Variants in INPP4B observed in about 807,000 individuals in gnomAD.
INPP4B encodes the protein inositol polyphosphate-4-phosphatase type II B.
A neutral mutation model predicts 122.5 loss-of-function variants in INPP4B; 55 were observed. That is an observed-to-expected ratio of 0.45 (90% CI 0.36 to 0.56). The LOEUF (loss-of-function observed/expected upper bound fraction) is 0.56. Ranked by LOEUF, INPP4B falls within the 20% of genes least tolerant of loss-of-function variation. The pLI is 0.00. For synonymous variants in INPP4B, 403 were observed against 388.7 expected (o/e 1.04, Z -0.43); for missense variants, 1,000 against 1,097.7 (o/e 0.91, Z 1.26).
intron 23 of INPP4B, among the ~76,000 whole-genome samples, chr4:142,094,434 A>G (rs1780952098): frequency 6.6e-6 from 1 of 152,214 alleles, no homozygotes; most frequent in Non-Finnish European, 1.5e-5. Flanking sequence ...TGGCTCCTTG[A>G]GAGTGCATTC....
intron 11 of INPP4B, among the ~76,000 whole-genome samples, chr4:142,241,133 G>T (rs569809662): frequency 6.6e-6 from 1 of 152,230 alleles, no homozygotes; most frequent in African/African-American, 2.4e-5. Context: ...TCATGCAGGA[G>T]ATGGCTTGCT....
At chr4:142,376,450 A>G (rs889240305) in intron 7 of INPP4B, among the ~76,000 whole-genome samples, 1 of 152,060 alleles carries the variant, frequency 6.6e-6, no homozygotes, top group Admixed American at 6.6e-5. Context: ...AATGTAAGGT[A>G]GCATTATCAA....
chr4:142,810,339 AT>A (rs1030319103), intron 1 of INPP4B, among the ~76,000 whole-genome samples: 32 of 152,298 alleles, frequency 2.1e-4, no homozygotes, highest in African/African-American at 7.2e-4. Context: ...GCCACTTATT[AT>A]TTAATTATAG....
Position 142,405,225 on chromosome 4 carries a change from G to A in INPP4B, c.236C>T (p.Ser79Phe). The change falls in exon 6 of 26, where the codon TCC becomes TTC. Residue 79 changes from serine to phenylalanine, a missense_variant. Ser to Phe is a radical substitution (Grantham distance 155). Coordinates refer to ENST00000262992, the MANE Select transcript of INPP4B (RefSeq NM_001101669.3). Reference protein sequence around the residue: ...HPVEQSLTRYSSTEIVEGTRD... With the variant: ...HPVEQSLTRYFSTEIVEGTRD... ...TCTCACCTCCACAATTTCGGTGCTGGAGTATCTTGTCAGACTCTGCTCCAC... is the reference window on the plus strand; with the variant it reads ...TCTCACCTCCACAATTTCGGTGCTGAAGTATCTTGTCAGACTCTGCTCCAC... The A allele has an allele frequency of 6.2e-7, 1 of 1,604,852 alleles. No individual in the cohort carries two copies.
chr4:142,795,205 T>C (rs1777070245), intron 1 of INPP4B: 3 of 151,954 alleles, frequency 2.0e-5, no homozygotes, highest in Admixed American at 2.0e-4. Flanking sequence ...TATATAACTT[T>C]AAATGCATGA....
chr4:142,095,395 C>T (rs1440476385), intron 23 of INPP4B, among the ~76,000 whole-genome samples: 1 of 152,128 alleles, frequency 6.6e-6, no homozygotes. Flanking sequence ...TGTTAATTGT[C>T]TTTAATTTGA....
chr4:142,467,939 T>C (rs1363470742), intron 2 of INPP4B: 1 of 152,142 alleles, frequency 6.6e-6, no homozygotes, highest in African/African-American at 2.4e-5. Flanking sequence ...CCCCTCCCTC[T>C]CTTGCTCCCC....
chr4:142,041,434 C>G (rs1243099210), intron 25 of INPP4B, among the ~76,000 whole-genome samples: 1 of 151,884 alleles, frequency 6.6e-6, no homozygotes, highest in Non-Finnish European at 1.5e-5. Context: ...CCTGACCAAC[C>G]TGGTGAAACC....
chr4:142,686,378 GA>G (rs149344720), intron 2 of INPP4B, among the ~76,000 whole-genome samples: 4 of 152,012 alleles, frequency 2.6e-5, no homozygotes, highest in Admixed American at 6.6e-5. Flanking sequence ...AAAGCCAAAA[GA>G]AAAAAACCCA....
chr4:142,689,235 T>A (rs1484388267), intron 2 of INPP4B, among the ~76,000 whole-genome samples: 1 of 152,116 alleles, frequency 6.6e-6, no homozygotes, highest in Non-Finnish European at 1.5e-5. Flanking sequence ...GGTCTTTCCA[T>A]CCAGAATGAT....
intron 25 of INPP4B, among the ~76,000 whole-genome samples, chr4:142,059,931 T>C (rs1759706012): frequency 6.6e-6 from 1 of 152,190 alleles, no homozygotes; most frequent in Non-Finnish European, 1.5e-5. Context: ...ATCGTGCTAC[T>C]TAGTAGGAAA....
chr4:142,331,087 A>C (rs1162023586), intron 7 of INPP4B, among the ~76,000 whole-genome samples: 2 of 152,218 alleles, frequency 1.3e-5, no homozygotes, highest in Non-Finnish European at 2.9e-5. Flanking sequence ...ATAAAACCAC[A>C]GGCAAGGAAA....
chr4:142,613,359 A>G (rs949620200), intron 2 of INPP4B, among the ~76,000 whole-genome samples: 3 of 152,220 alleles, frequency 2.0e-5, no homozygotes, highest in African/African-American at 7.2e-5. Context: ...TAACAAATGC[A>G]TGCTCTTTAT....
chr4:142,648,074 G>A (rs1164997909), intron 2 of INPP4B, among the ~76,000 whole-genome samples: 2 of 152,214 alleles, frequency 1.3e-5, no homozygotes, highest in Admixed American at 6.5e-5. Flanking sequence ...GGAACTCACT[G>A]CTTCTCTTCA....
intron 25 of INPP4B, among the ~76,000 whole-genome samples, chr4:142,049,402 A>C (rs1272688469): frequency 6.6e-6 from 1 of 152,070 alleles, no homozygotes; most frequent in African/African-American, 2.4e-5. Flanking sequence ...GTATATCTAC[A>C]AGAAACATAA....
At chr4:142,372,314 C>T (rs1790231510) in intron 7 of INPP4B, among the ~76,000 whole-genome samples, 1 of 151,880 alleles carries the variant, frequency 6.6e-6, no homozygotes, top group Admixed American at 6.6e-5. Context: ...CATGCAGTTA[C>T]ATAGAAGGAA....
chr4:142,734,363 C>T lies in INPP4B; in HGVS notation c.-253-8462G>A, dbSNP rs116227939. On this transcript the variant is annotated intron_variant, in intron 1 of 25. Coordinates refer to ENST00000262992, the MANE Select transcript of INPP4B (RefSeq NM_001101669.3). The stretch of plus-strand genomic sequence containing the variant: ...ACCTAATCTATCGTATTTTATTATG[C>T]CAGCCCTGAAAAACTAATACACATT... Among the ~76,000 whole-genome samples the T allele has an allele frequency of 7.8e-3, 1,185 of 152,192 alleles. 11 individuals are homozygous for T. Among genetic ancestry groups the T allele is most frequent in the African/African-American group, 0.027 (1,107 of 41,522 alleles).
chr4:142,029,384 C>T, intron 25 of INPP4B: 2 of 985,062 alleles, frequency 2.0e-6, no homozygotes, highest in Non-Finnish European at 1.2e-6. Context: ...ATTATTTTAG[C>T]TGTGCAAGGA....
At chr4:142,842,529 T>G (rs1021319925) in intron 1 of INPP4B, among the ~76,000 whole-genome samples, 3 of 141,636 alleles carry the variant, frequency 2.1e-5, no homozygotes, top group African/African-American at 7.8e-5. Context: ...ATATATTATA[T>G]TATAATATAT....
Sources: gnomAD v4.1 joint callset for allele counts (sites outside exome capture counted in the v4.1 genomes callset) on GRCh38, gnomAD v4.1.1 for gene constraint, MANE v1.5 for transcripts, NCBI Gene and HGNC (gene_info 2026-07-23, HGNC 2026-07-21) for gene names.